DTHD1: variants seen among roughly 807,000 people sequenced by gnomAD.
DTHD1 encodes death domain containing 1, also known as death domain-containing protein 1.
In DTHD1, 59 loss-of-function variants were observed where a neutral mutation model predicts 74.8. That is an observed-to-expected ratio of 0.79 (90% CI 0.64 to 0.98). The LOEUF (loss-of-function observed/expected upper bound fraction) is 0.98, where lower values mean the gene tolerates loss of function less well. Ranked by LOEUF, DTHD1 falls within the 50% of genes least tolerant of loss-of-function variation. The probability of loss-of-function intolerance (pLI) is 0.00; values close to 1 mark genes in which losing one functional copy is unlikely to be tolerated. For missense variants in DTHD1, 1,051 were observed against 1,065.4 expected, an observed-to-expected ratio of 0.99 and a Z score of 0.19; for synonymous variants, 365 against 371.1, an observed-to-expected ratio of 0.98 and a Z score of 0.19.
intron 8 of DTHD1, among the ~76,000 whole-genome samples, chr4:36,325,086 G>A (rs1268673676): frequency 6.6e-6 from 1 of 152,200 alleles, no homozygotes; most frequent in Non-Finnish European, 1.5e-5. Context: ...ATTTGGAAAT[G>A]TCATGTTGGA....
At chr4:36,301,452 GA>G (rs1214030795) in intron 5 of DTHD1, among the ~76,000 whole-genome samples, 2 of 151,478 alleles carry the variant, frequency 1.3e-5, no homozygotes, top group South Asian at 2.1e-4. Flanking sequence ...TCTGCTGCTG[GA>G]AAAAAAATGA....
intron 9 of DTHD1, 23 bp from the exon 10 acceptor site, chr4:36,343,479 A>C (rs1054171314): frequency 9.7e-6 from 15 of 1,543,784 alleles, no homozygotes; most frequent in Admixed American, 4.0e-5. Context: ...CCTAACCGTG[A>C]GTGTTCCTCC....
chr4:36,292,613 C>T (rs1322000683), intron 3 of DTHD1, among the ~76,000 whole-genome samples: 5 of 152,166 alleles, frequency 3.3e-5, no homozygotes, highest in African/African-American at 1.2e-4. Context: ...ATTCACCATG[C>T]CCTGAATTTT....
chr4:36,330,537 C>T (rs1262619623), intron 8 of DTHD1, among the ~76,000 whole-genome samples: 1 of 152,096 alleles, frequency 6.6e-6, no homozygotes, highest in South Asian at 2.1e-4. Context: ...CTATAACATA[C>T]TTCAAGTTTT....
At position 36,306,320 on chromosome 4, in the gene DTHD1, G is replaced by C; in HGVS notation, c.1773G>C (p.Leu591Phe). The C allele has an allele frequency of 6.4e-7, 1 of 1,550,590 alleles. No individual in the cohort carries two copies. The highest frequency in any genetic ancestry group is 1.7e-4 in the Middle Eastern group (1 of 5,982). ...TTGTGAAAACCATACAGAGCGGCTT[G>C]GTATCAGTTGAATTGTATGAACATT... ...DDVVKTIQSG[L>F]VSVELYEHLE... Residue 591 changes from leucine (L) to phenylalanine (F), a missense_variant, in exon 6 of 10, where the codon TTG becomes TTC. By Grantham distance (22) the Leu-to-Phe change is conservative. Coordinates refer to ENST00000639862, the MANE Select transcript of DTHD1 (RefSeq NM_001170700.3).
Position 36,343,709 on chromosome 4 carries a change from T to C in DTHD1, c.2606T>C (p.Leu869Pro), listed in dbSNP as rs1193581957. ...ACTTTCACCGACAAACTTCGCCTCC[T>C]GGCTCGACATCTCCGCAAGATTGGC... The part of the protein sequence containing the change: ...LPTFTDKLRL[L>P]ARHLRKIGRS... Residue 869 changes from leucine (L) to proline (P), a missense_variant, in exon 10 of 10, where the codon CTG (leucine) becomes CCG (proline). Coordinates refer to ENST00000639862, the MANE Select transcript of DTHD1 (RefSeq NM_001170700.3). 6.4e-7 allele frequency: 1 copy of C among 1,551,582 alleles called. No individual in the cohort carries two copies. Among genetic ancestry groups the C allele is most frequent in the African/African-American group, 1.4e-5 (1 of 73,034 alleles).
chr4:36,296,985 T>C (rs1756449488), intron 5 of DTHD1, among the ~76,000 whole-genome samples: 1 of 152,188 alleles, frequency 6.6e-6, no homozygotes, highest in Admixed American at 6.5e-5. Context: ...TTGTAAGGTA[T>C]ATGTACTATA....
chr4:36,316,451 T>C lies in DTHD1; in HGVS notation c.2305T>C (p.Leu769=), dbSNP rs1757741262. The C allele has an allele frequency of 1.3e-5, 20 of 1,550,052 alleles. No individual in the cohort carries two copies. Among genetic ancestry groups the C allele is most frequent in the Non-Finnish European group, 1.7e-5 (19 of 1,146,614 alleles). The change falls in exon 8 of 10, where the codon TTG becomes CTG. Residue 769 remains leucine (L), a synonymous_variant. Coordinates refer to ENST00000639862, the MANE Select transcript of DTHD1 (RefSeq NM_001170700.3). ...CGTAATTAATGAAAACCATTCTCAG[T>C]TGCCAATTTGCAAATTACCATTGAA... is the stretch of plus-strand genomic sequence containing the variant. The part of the protein sequence containing the change: ...SLVINENHSQ[L]PICKLPLKLP...
chr4:36,286,097 C>G (rs1469139701), intron 2 of DTHD1, among the ~76,000 whole-genome samples: 1 of 152,180 alleles, frequency 6.6e-6, no homozygotes, highest in African/African-American at 2.4e-5. Flanking sequence ...CGTAATGTTT[C>G]TACAGGTCAG....
chr4:36,281,841 C>A lies in DTHD1; in HGVS notation c.83C>A (p.Ala28Glu). 5 of 1,246,532 alleles carry A rather than the reference C, an allele frequency of 4.0e-6. 1 individual carries two copies. In the South Asian group the frequency reaches 1.5e-4, roughly 38 times the overall value. 77.2% of individuals were successfully genotyped at this position (1,246,532 alleles called of 1,614,324 possible). Residue 28 changes from alanine to glutamate, a missense_variant, in exon 1 of 10, where the codon GCA becomes GAA. Transcript: ENST00000639862. Reference sequence around the variant, plus strand: ...AGACAAAACCAGATGCTAAAGCAGGCACTCTTGGGTGATGACCTTTGTGAG... The same window carrying A: ...AGACAAAACCAGATGCTAAAGCAGGAACTCTTGGGTGATGACCTTTGTGAG... ...IWRQNQMLKQ[A>E]LLGDDLCEGA...
chr4:36,337,955 T>A (rs931864736), intron 8 of DTHD1, among the ~76,000 whole-genome samples: 2 of 152,204 alleles, frequency 1.3e-5, no homozygotes, highest in African/African-American at 2.4e-5. Context: ...ATTTCCTTAG[T>A]GGTTGCTTTT....
intron 5 of DTHD1, among the ~76,000 whole-genome samples, 173 bp from the exon 6 acceptor site, chr4:36,306,018 G>T (rs1378115057): frequency 6.6e-6 from 1 of 152,076 alleles, no homozygotes; most frequent in African/African-American, 2.4e-5. Context: ...GCTTCTTTAG[G>T]GCAAGGGTTA....
intron 8 of DTHD1, among the ~76,000 whole-genome samples, chr4:36,328,266 T>C (rs1306884074): frequency 1.3e-5 from 2 of 152,244 alleles, no homozygotes; most frequent in Non-Finnish European, 2.9e-5. Context: ...TCCACAGCAA[T>C]CTTACTTCTC....
intron 2 of DTHD1, among the ~76,000 whole-genome samples, chr4:36,288,463 C>T (rs1755850652): frequency 1.3e-5 from 2 of 152,166 alleles, no homozygotes; most frequent in South Asian, 4.1e-4. Flanking sequence ...GGCCTTGATA[C>T]ATCTTGAGTT....
intron 2 of DTHD1, among the ~76,000 whole-genome samples, chr4:36,289,669 T>G (rs1175850693): frequency 6.6e-6 from 1 of 152,134 alleles, no homozygotes; most frequent in Non-Finnish European, 1.5e-5. Flanking sequence ...TATTAATGTG[T>G]AAGGTCAAGT....
At chr4:36,296,699 C>G (rs114864160) in intron 5 of DTHD1, among the ~76,000 whole-genome samples, 3,151 of 152,006 alleles carry the variant, frequency 0.021, 43 homozygotes, top group Non-Finnish European at 0.034. Context: ...TTATTATACA[C>G]ATTATTAATT....
chr4:36,304,150 G>T (rs1756921584), intron 5 of DTHD1, among the ~76,000 whole-genome samples: 1 of 152,316 alleles, frequency 6.6e-6, no homozygotes. Context: ...ACCCTTGGGA[G>T]CCTGTTGGTC....
At chr4:36,313,417 GA>G (rs34007292) in intron 7 of DTHD1, among the ~76,000 whole-genome samples, 62,898 of 144,202 alleles carry the variant, frequency 0.44, 13,991 homozygotes, top group African/African-American at 0.47. Context: ...AGTGAGGGAG[GA>G]AAAAAAAAAA....
intron 8 of DTHD1, among the ~76,000 whole-genome samples, chr4:36,327,757 T>G (rs1350589184): frequency 6.6e-6 from 1 of 152,230 alleles, no homozygotes; most frequent in African/African-American, 2.4e-5. Context: ...TTGATAATTT[T>G]TCTTCACTGC....
Sources: allele counts gnomAD v4.1 joint callset (sites outside exome capture counted in the v4.1 genomes callset), GRCh38; gene constraint gnomAD v4.1.1; transcripts MANE v1.5; gene names NCBI Gene and HGNC (gene_info 2026-07-23, HGNC 2026-07-21).